Variants in MET observed in about 807,000 individuals in gnomAD.
MET encodes MET proto-oncogene, receptor tyrosine kinase.
MET carries 48 observed loss-of-function variants against 133.1 expected under a neutral mutation model. That is an observed-to-expected ratio of 0.36 (90% confidence interval 0.29 to 0.46). The LOEUF (loss-of-function observed/expected upper bound fraction) is 0.46. MET is among the 20% of genes least tolerant of loss of function. MET has a pLI of 1.00. For missense variants in MET, 1,442 were observed against 1,695.9 expected, an observed-to-expected ratio of 0.85 and a Z score of 2.63; for synonymous variants, 628 against 616.5, an observed-to-expected ratio of 1.02 and a Z score of -0.28.
intron 5 of MET, among the ~76,000 whole-genome samples, chr7:116,742,194 C>T (rs1272617326): frequency 6.6e-6 from 1 of 152,014 alleles, no homozygotes; most frequent in Non-Finnish European, 1.5e-5. Context: ...TGGCTGTTTT[C>T]ATTTAGTTAC....
chr7:116,718,957 G>A lies in MET; in HGVS notation c.1201-12711G>A, dbSNP rs1229295007. Among the ~76,000 whole-genome samples the A allele has an allele frequency of 3.4e-5, 5 of 145,978 alleles. No homozygotes were observed. In the East Asian group the frequency reaches 5.9e-4, roughly 17 times the overall value. ...GAATAATGTCGCAATAAACATACGT[G>A]TGCATGTGTCTTTATAGCAGCATGA... On this transcript the variant is annotated intron_variant, in intron 2 of 20. Coordinates refer to ENST00000397752, the MANE Select transcript of MET (RefSeq NM_000245.4).
At chr7:116,794,006 A>T (rs1380568693) in intron 19 of MET, among the ~76,000 whole-genome samples, 1 of 151,920 alleles carries the variant, frequency 6.6e-6, no homozygotes, top group Non-Finnish European at 1.5e-5. Flanking sequence ...CCTATAAAAC[A>T]AAGTCTCCCT....
intron 2 of MET, among the ~76,000 whole-genome samples, chr7:116,706,563 AT>A (rs1392076852): frequency 6.6e-6 from 1 of 152,090 alleles, no homozygotes; most frequent in African/African-American, 2.4e-5. Flanking sequence ...ACTGTTTCAC[AT>A]TTTGGGTGTT....
intron 10 of MET, among the ~76,000 whole-genome samples, chr7:116,761,429 C>T (rs1180434116): frequency 6.6e-6 from 1 of 152,098 alleles, no homozygotes; most frequent in Admixed American, 6.5e-5. Flanking sequence ...TTCCTTGCCA[C>T]TTATAGAATT....
chr7:116,698,482 C>G (rs1797043853), intron 1 of MET, among the ~76,000 whole-genome samples: 1 of 152,158 alleles, frequency 6.6e-6, no homozygotes, highest in Non-Finnish European at 1.5e-5. Flanking sequence ...CAAATTATAA[C>G]CATACCATTC....
intron 1 of MET, among the ~76,000 whole-genome samples, chr7:116,696,511 G>A (rs1200204105): frequency 1.3e-5 from 2 of 152,074 alleles, no homozygotes; most frequent in African/African-American, 4.8e-5. Flanking sequence ...ATCAACAAAC[G>A]GGTTCCATGT....
At chr7:116,694,514 C>T (rs1469412433) in intron 1 of MET, among the ~76,000 whole-genome samples, 1 of 152,006 alleles carries the variant, frequency 6.6e-6, no homozygotes, top group Admixed American at 6.5e-5. Flanking sequence ...TCTTCTTCCC[C>T]ACTGATTTTC....
chr7:116,751,942 T>C (rs190647436), intron 5 of MET, among the ~76,000 whole-genome samples: 49 of 152,180 alleles, frequency 3.2e-4, no homozygotes, highest in African/African-American at 1.2e-3. Flanking sequence ...GTGCCTGTAG[T>C]ACCAGCTACT....
At chr7:116,763,383 T>C in intron 11 of MET, 115 bp downstream of exon 11, 1 of 914,430 alleles carries the variant, frequency 1.1e-6, no homozygotes, top group African/African-American at 1.7e-5. Flanking sequence ...CACCAGCAAA[T>C]ATATAAACTC....
intron 2 of MET, among the ~76,000 whole-genome samples, chr7:116,725,366 C>T (rs541876545): frequency 1.3e-4 from 19 of 151,918 alleles, no homozygotes; most frequent in African/African-American, 3.6e-4. Context: ...CTGTTTAGGA[C>T]ATCAAGAAGT....
intron 11 of MET, among the ~76,000 whole-genome samples, chr7:116,768,707 C>A (rs955262359): frequency 6.6e-6 from 1 of 152,172 alleles, no homozygotes; most frequent in South Asian, 2.1e-4. Context: ...CTATTATGGG[C>A]TGCTCTTTGT....
At chr7:116,718,540 G>A (rs1317999170) in intron 2 of MET, among the ~76,000 whole-genome samples, 1 of 150,398 alleles carries the variant, frequency 6.6e-6, no homozygotes, top group Non-Finnish European at 1.5e-5. Flanking sequence ...TGTGCACATT[G>A]TGCAGGTTAG....
chr7:116,747,446 T>C (rs934767210), intron 5 of MET, among the ~76,000 whole-genome samples: 1 of 151,760 alleles, frequency 6.6e-6, no homozygotes, highest in Non-Finnish European at 1.5e-5. Flanking sequence ...ACCAAGCAAA[T>C]GGAAAGCAAA....
intron 5 of MET, among the ~76,000 whole-genome samples, chr7:116,755,044 A>AAAG (rs1794125408): frequency 7.0e-6 from 1 of 143,664 alleles, no homozygotes; most frequent in Non-Finnish European, 1.5e-5. Context: ...AAGAAAGAAA[A>AAAG]GAAAGAAAGA....
At chr7:116,715,863 T>C (rs1036977643) in intron 2 of MET, among the ~76,000 whole-genome samples, 1 of 152,180 alleles carries the variant, frequency 6.6e-6, no homozygotes, top group African/African-American at 2.4e-5. Context: ...CACTAAAAAG[T>C]TGTAGAAGTC....
chr7:116,708,941 T>C lies in MET; in HGVS notation c.1200+8657T>C, dbSNP rs141698670. Among the ~76,000 whole-genome samples the C allele has an allele frequency of 2.0e-3, 299 of 152,274 alleles. 2 individuals carry two copies. Among genetic ancestry groups the C allele is most frequent in the Non-Finnish European group, 2.8e-3 (191 of 67,992 alleles). On this transcript the variant is annotated intron_variant, in intron 2 of 20. Coordinates refer to ENST00000397752, the MANE Select transcript of MET (RefSeq NM_000245.4). ...TCAAAATTATAAACATTAATAGAAT[T>C]CAAGGGAATGTGATGCTGAAGTGAT...
rs1304765887 is a variant in MET, at chr7:116,777,432, T to C, written c.3303T>C (p.Asp1101=). 5 of 1,613,890 alleles carry C rather than the reference T, an allele frequency of 3.1e-6. No individual in the cohort carries two copies. The South Asian group carries it at 3.3e-5, about 11-fold the overall frequency. The change falls in exon 16 of 21, where the codon GAT becomes GAC. Residue 1101 remains aspartate (D), a synonymous_variant. Transcript: ENST00000397752. ...ATCATGGGACTTTGTTGGACAATGA[T>C]GGCAAGAAAATTCACTGTGCTGTGA... ...CVYHGTLLDN[D]GKKIHCAVKS...
chr7:116,787,577 C>T (rs1327211585), intron 19 of MET, among the ~76,000 whole-genome samples: 1 of 152,098 alleles, frequency 6.6e-6, no homozygotes, highest in South Asian at 2.1e-4. Context: ...AACAAACCCC[C>T]TTCCACAATA....
intron 1 of MET, among the ~76,000 whole-genome samples, chr7:116,676,733 G>T (rs901589784): frequency 6.6e-6 from 1 of 152,152 alleles, no homozygotes; most frequent in Non-Finnish European, 1.5e-5. Flanking sequence ...TGAGCCAGGC[G>T]CATATGAGGA....
Sources: gnomAD v4.1 joint callset for allele counts (sites outside exome capture counted in the v4.1 genomes callset) on GRCh38, gnomAD v4.1.1 for gene constraint, MANE v1.5 for transcripts, NCBI Gene and HGNC (gene_info 2026-07-23, HGNC 2026-07-21) for gene names.